ZNF581: variants seen among roughly 807,000 people sequenced by gnomAD.
The protein encoded by ZNF581 is zinc finger protein 581.
A neutral mutation model predicts 1.2 loss-of-function variants in ZNF581; 1 was observed. The ratio of observed to expected loss-of-function variants is 0.83; its 90% CI spans 0.30 to 3.95. The LOEUF is 3.95. ZNF581 is among the 30% of genes most tolerant of loss of function. ZNF581 has a pLI of 0.18. For synonymous variants in ZNF581, 105 were observed against 109.2 expected (o/e 0.96, Z 0.24); for missense variants, 273 against 274.6 (o/e 0.99, Z 0.04).
chr19:55,645,417 T>G lies in ZNF581; in HGVS notation c.*252T>G. ...TCCTCTAGCCTAAAGATATCAGCTGTTCCATGGCAGAGCCTTGACTGGATG... is the reference window on the plus strand; with the variant it reads ...TCCTCTAGCCTAAAGATATCAGCTGGTCCATGGCAGAGCCTTGACTGGATG... On this transcript the variant is annotated 3_prime_UTR_variant, in exon 2 of 2. Transcript: ENST00000270451. 4 of 374,388 alleles carry G rather than the reference T, an allele frequency of 1.1e-5. No individual in the cohort carries two copies. Among genetic ancestry groups the G allele is most frequent in the South Asian group, 1.2e-4 (1 of 8,584 alleles). 23.2% of individuals were successfully genotyped at this position (374,388 alleles called of 1,614,324 possible).
upstream of ZNF581, chr19:55,642,959 A>G: frequency 7.1e-7 from 1 of 1,418,280 alleles, no homozygotes; most frequent in South Asian, 1.6e-5. Flanking sequence ...GCCGCCGCAC[A>G]CCTGCCCGCT....
At chr19:55,642,630 C>G, upstream of ZNF581, 1 of 1,445,482 alleles carries the variant, frequency 6.9e-7, no homozygotes, top group South Asian at 1.5e-5. Context: ...ACTCCTTCCT[C>G]GGCGGCGGGG....
upstream of ZNF581, chr19:55,635,183 G>A (rs2123613135): frequency 6.6e-6 from 1 of 152,514 alleles, no homozygotes. Context: ...GAGAGGCCCT[G>A]CGAAGGAGGC....
chr19:55,643,148 C>T (rs1982637214), upstream of ZNF581: 10 of 1,183,122 alleles, frequency 8.5e-6, no homozygotes, highest in Non-Finnish European at 1.0e-5. Context: ...TACCCTGGGC[C>T]TCAGTTTCCC....
At chr19:55,642,116 G>T (rs532477868), upstream of ZNF581, 3 of 1,007,318 alleles carry the variant, frequency 3.0e-6, no homozygotes, top group South Asian at 1.4e-4. Flanking sequence ...AAATCTCGGC[G>T]GTCAGGAGGC....
chr19:55,641,951 A>C, upstream of ZNF581: 2 of 735,208 alleles, frequency 2.7e-6, no homozygotes, highest in Non-Finnish European at 3.3e-6. Flanking sequence ...AGGCCACGGA[A>C]TATGAAGATG....
upstream of ZNF581, among the ~76,000 whole-genome samples, chr19:55,638,652 C>T (rs747942517): frequency 6.6e-6 from 1 of 152,036 alleles, no homozygotes; most frequent in Non-Finnish European, 1.5e-5. Context: ...AAATGCCTCC[C>T]ACCAAGCCCC....
chr19:55,635,692 C>T (rs1429102310), exon 1 of ZNF581: 3 of 988,112 alleles, frequency 3.0e-6, no homozygotes, highest in Non-Finnish European at 3.6e-6. Flanking sequence ...CAGAATGATT[C>T]GCTGCAGCTG....
upstream of ZNF581, chr19:55,640,405 G>T: frequency 1.0e-6 from 1 of 985,496 alleles, no homozygotes; most frequent in Non-Finnish European, 1.2e-6. Context: ...ATCTGGCAAA[G>T]CCTGGCCTTC....
At chr19:55,636,761 T>C (rs568538412), upstream of ZNF581, among the ~76,000 whole-genome samples, 1 of 152,206 alleles carries the variant, frequency 6.6e-6, no homozygotes, top group Non-Finnish European at 1.5e-5. Flanking sequence ...CCACGGTCAC[T>C]AAAAGCTGCT....
chr19:55,636,716 C>G (rs1012395600), upstream of ZNF581, among the ~76,000 whole-genome samples: 1 of 152,056 alleles, frequency 6.6e-6, no homozygotes, highest in Admixed American at 6.6e-5. Context: ...AGGAAATGAA[C>G]AGACGGAGGA....
upstream of ZNF581, among the ~76,000 whole-genome samples, chr19:55,639,875 C>T (rs576883738): frequency 6.6e-6 from 1 of 152,142 alleles, no homozygotes; most frequent in Non-Finnish European, 1.5e-5. Context: ...CCTTGGCCTC[C>T]GAAAGTGCTG....
upstream of ZNF581, chr19:55,640,939 G>T (rs921465972): frequency 3.0e-6 from 3 of 985,302 alleles, no homozygotes; most frequent in Non-Finnish European, 3.6e-6. Flanking sequence ...CAGAGGCGAG[G>T]GGTGGGAGCG....
In ZNF581 at chr19:55,644,677, T is replaced by A. The variant is rs1290643598; in HGVS notation, c.106T>A (p.Ser36Thr). 1 of 1,613,032 alleles carries A rather than the reference T, an allele frequency of 6.2e-7. No homozygotes were observed. The highest frequency in any genetic ancestry group is 8.5e-7 in the Non-Finnish European group (1 of 1,179,542). ...RTCRSPEPGP[S>T]SSIGSPQASS... is the part of the protein sequence containing the mutation. The stretch of plus-strand genomic sequence containing the variant: ...TTGCCGCTCCCCAGAACCTGGACCT[T>A]CCTCCTCCATCGGATCTCCCCAGGC... The change falls in exon 2 of 2, where the codon TCC becomes ACC. Residue 36 changes from serine to threonine, a missense_variant. Ser to Thr is a moderately conservative substitution (Grantham distance 58, BLOSUM62 1). Coordinates refer to ENST00000270451, the MANE Select transcript of ZNF581 (RefSeq NM_016535.4). The surrounding 1 kb of genome is among the most constrained non-coding windows in gnomAD (Gnocchi z 4.3).
chr19:55,640,586 AT>A (rs1428500045), upstream of ZNF581: 1 of 985,052 alleles, frequency 1.0e-6, no homozygotes, highest in Non-Finnish European at 1.2e-6. Flanking sequence ...CGGCCTCCCC[AT>A]TTGCTGGGTG....
rs779740886 is a variant in ZNF581, at chr19:55,644,647, C to T, written c.76C>T (p.Arg26Trp). 5.0e-6 allele frequency: 8 copies of T among 1,610,852 alleles called. No individual in the cohort carries two copies. Among genetic ancestry groups the T allele is most frequent in the South Asian group, 3.3e-5 (3 of 90,432 alleles). The change falls in exon 2 of 2, where the codon CGG becomes TGG. Residue 26 changes from arginine (R) to tryptophan (W), a missense_variant. By Grantham distance (101) the Arg-to-Trp change is moderately radical. Coordinates refer to ENST00000270451, the MANE Select transcript of ZNF581 (RefSeq NM_016535.4). This position sits in a 1 kb window ranked among gnomAD's most constrained non-coding sequence, Gnocchi z 4.3. Reference protein sequence around the residue: ...SVETMEGPPRRTCRSPEPGPS... With the variant: ...SVETMEGPPRWTCRSPEPGPS... ...TGAGACCATGGAGGGCCCTCCCCGT[C>T]GGACTTGCCGCTCCCCAGAACCTGG... is the stretch of plus-strand genomic sequence containing the variant.
chr19:55,644,935 A>G lies in ZNF581; in HGVS notation c.364A>G (p.Lys122Glu). ...GCCCTTCGAGTGTGACATCTGTGGGAAGGCATTCAAGCGCGCCAGCCACTT... is the reference window on the plus strand; with the variant it reads ...GCCCTTCGAGTGTGACATCTGTGGGGAGGCATTCAAGCGCGCCAGCCACTT... ...VKPFECDICGKAFKRASHLAR... is the reference protein window; with the variant it reads ...VKPFECDICGEAFKRASHLAR... Residue 122 changes from lysine (K) to glutamate (E), a missense_variant, in exon 2 of 2, where the codon AAG becomes GAG. Physicochemically the swap from Lys to Glu is moderately conservative, Grantham distance 56. Transcript: ENST00000270451. The surrounding 1 kb of genome is among the most constrained non-coding windows in gnomAD (Gnocchi z 4.3). 6.2e-7 allele frequency: 1 copy of G among 1,613,426 alleles called. No homozygotes were observed. The highest frequency in any genetic ancestry group is 8.5e-7 in the Non-Finnish European group (1 of 1,179,556).
chr19:55,636,597 G>T (rs1210063858), upstream of ZNF581, among the ~76,000 whole-genome samples: 1 of 152,152 alleles, frequency 6.6e-6, no homozygotes, highest in Non-Finnish European at 1.5e-5. Context: ...TCTGAGGGTA[G>T]AATGTTGACC....
chr19:55,644,525 C>A lies in ZNF581; in HGVS notation c.-19-28C>A. 7.0e-7 allele frequency: 1 copy of A among 1,427,790 alleles called. No homozygotes were observed. The highest frequency in any genetic ancestry group is 9.4e-7 in the Non-Finnish European group (1 of 1,060,470). 88.4% of individuals were successfully genotyped at this position (1,427,790 alleles called of 1,614,324 possible). A position where few individuals can be genotyped will look rare whatever the true frequency, so the allele number is the denominator to read the frequency against. On this transcript the variant is annotated intron_variant, in intron 1 of 1. Coordinates refer to ENST00000270451, the MANE Select transcript of ZNF581 (RefSeq NM_016535.4). This position sits in a 1 kb window ranked among gnomAD's most constrained non-coding sequence, Gnocchi z 4.3. ...TGCTGAGCTGCCCTCTTCTATATAA[C>A]CTTCTTATCCCATCTCCCATCCACC...
Sources: gnomAD v4.1 joint callset for allele counts (sites outside exome capture counted in the v4.1 genomes callset) on GRCh38, gnomAD v4.1.1 for gene constraint, Gnocchi (gnomAD v3.1) non-coding constraint, MANE v1.5 for transcripts, NCBI Gene and HGNC (gene_info 2026-07-23, HGNC 2026-07-21) for gene names.